TCF7: variants seen among roughly 807,000 people sequenced by gnomAD.
TCF7 encodes T-cell-factor-7.
A neutral mutation model predicts 46.8 loss-of-function variants in TCF7; 19 were observed. The observed-to-expected ratio is 0.41, with a 90% CI of 0.28 to 0.60. The LOEUF is 0.60. TCF7 is among the 20% of genes least tolerant of loss of function. The pLI, the probability that TCF7 is intolerant of heterozygous loss-of-function variation, is 0.35. For missense variants in TCF7, 547 were observed against 504.6 expected, an observed-to-expected ratio of 1.08 and a Z score of -0.81; for synonymous variants, 245 against 213.4, an observed-to-expected ratio of 1.15 and a Z score of -1.29.
chr5:134,128,006 A>T (rs17167281), intron 3 of TCF7, among the ~76,000 whole-genome samples: 1 of 152,146 alleles, frequency 6.6e-6, no homozygotes, highest in East Asian at 1.9e-4. Flanking sequence ...ATGTTTTACA[A>T]TGGAGACCCC....
At position 134,114,978 on chromosome 5, in the gene TCF7, G is replaced by A; in HGVS notation, c.72G>A (p.Leu24=). Residue 24 remains leucine, a synonymous_variant, in exon 1 of 10, where the codon CTG becomes CTA. Coordinates refer to ENST00000342854, the MANE Select transcript of TCF7 (RefSeq NM_003202.5). ...ACCTCGGCGCGCCGGACGAGCTGCT[G>A]GCCTTCCAGGATGAAGGCGAGGAGC... ...GDDLGAPDEL[L]AFQDEGEEQD... The A allele has an allele frequency of 4.1e-6, 5 of 1,210,052 alleles. No homozygotes were observed. The highest frequency in any genetic ancestry group is 5.3e-6 in the Non-Finnish European group (5 of 948,926). The allele number at this position is 1,210,052 out of a possible 1,614,324, so 75.0% of individuals were successfully genotyped here.
intron 3 of TCF7, among the ~76,000 whole-genome samples, chr5:134,134,692 G>A (rs768935242): frequency 6.6e-5 from 10 of 152,124 alleles, no homozygotes; most frequent in East Asian, 1.9e-4. Context: ...TCTCATCTCC[G>A]TTTTACAAGG....
chr5:134,143,885 G>A (rs770187739), intron 9 of TCF7: 16 of 525,430 alleles, frequency 3.0e-5, no homozygotes, highest in Non-Finnish European at 4.8e-5. Flanking sequence ...TAGATGGTGC[G>A]TTCCTCTGCC....
At chr5:134,128,721 G>C (rs1757691922) in intron 3 of TCF7, among the ~76,000 whole-genome samples, 1 of 151,824 alleles carries the variant, frequency 6.6e-6, no homozygotes, top group Non-Finnish European at 1.5e-5. Flanking sequence ...GCCTTGCCTG[G>C]GCTCTCAGCT....
At chr5:134,122,807 A>C (rs943151243) in intron 3 of TCF7, among the ~76,000 whole-genome samples, 2 of 152,158 alleles carry the variant, frequency 1.3e-5, no homozygotes, top group African/African-American at 4.8e-5. Context: ...TTATCAGGTC[A>C]CAGGGGCCCC....
At chr5:134,125,392 C>T (rs1757208930) in intron 3 of TCF7, among the ~76,000 whole-genome samples, 1 of 152,252 alleles carries the variant, frequency 6.6e-6, no homozygotes, top group Non-Finnish European at 1.5e-5. Context: ...ACCCACCCAC[C>T]ACCAGGCCAC....
chr5:134,124,463 G>A (rs940323139), intron 3 of TCF7, among the ~76,000 whole-genome samples: 2 of 152,136 alleles, frequency 1.3e-5, no homozygotes, highest in Non-Finnish European at 2.9e-5. Flanking sequence ...GTCCCTTGCT[G>A]GATAGGGACT....
upstream of TCF7, among the ~76,000 whole-genome samples, chr5:134,112,014 C>T (rs1019368227): frequency 2.0e-5 from 3 of 152,150 alleles, no homozygotes; most frequent in Non-Finnish European, 4.4e-5. Context: ...ACATAGTAAT[C>T]ACTCAGTATA....
chr5:134,115,348 A>G lies in TCF7; in HGVS notation c.277A>G (p.Arg93Gly). 6.2e-7 allele frequency: 1 copy of G among 1,601,072 alleles called. No homozygotes were observed. The highest frequency in any genetic ancestry group is 1.7e-5 in the Admixed American group (1 of 59,028). Residue 93 changes from arginine (R) to glycine (G), a missense_variant, in exon 2 of 10, where the codon AGA becomes GGA. This residue lies in a region of TCF7 where 425 missense variants were observed against 349.9 expected (regional missense o/e 1.21). Coordinates refer to ENST00000342854, the MANE Select transcript of TCF7 (RefSeq NM_003202.5). ...TCTCGGGCGGGAACACGCTGCGCAG[A>G]GACTCTTCCCGGACAAACTTCCAGA... is the stretch of plus-strand genomic sequence containing the variant. The part of the protein sequence containing the change: ...EALGREHAAQ[R>G]LFPDKLPEPL...
At chr5:134,117,788 T>G (rs947907216) in intron 3 of TCF7, among the ~76,000 whole-genome samples, 9 of 152,112 alleles carry the variant, frequency 5.9e-5, no homozygotes, top group African/African-American at 2.2e-4. Flanking sequence ...TTTCTATGTA[T>G]CGCACCTGCT....
intron 3 of TCF7, among the ~76,000 whole-genome samples, chr5:134,117,459 C>T (rs1755979856): frequency 6.6e-6 from 1 of 152,342 alleles, no homozygotes; most frequent in East Asian, 1.9e-4. Context: ...TGCATAGGGG[C>T]TGGGGTCACC....
At chr5:134,128,616 C>T (rs1757678308) in intron 3 of TCF7, among the ~76,000 whole-genome samples, 1 of 150,986 alleles carries the variant, frequency 6.6e-6, no homozygotes, top group Admixed American at 6.6e-5. Flanking sequence ...TTCTCAGAGG[C>T]TACTAGATTA....
chr5:134,120,652 T>G (rs1333499435), intron 3 of TCF7, among the ~76,000 whole-genome samples: 1 of 152,178 alleles, frequency 6.6e-6, no homozygotes, highest in Admixed American at 6.5e-5. Flanking sequence ...CACTCAGGGC[T>G]CAATTCAGAT....
intron 9 of TCF7, chr5:134,144,773 C>T (rs753918029): frequency 2.5e-6 from 4 of 1,606,014 alleles, no homozygotes; most frequent in South Asian, 2.2e-5. Flanking sequence ...CCCTGCTCTA[C>T]CCCTCTGGCA....
intron 9 of TCF7, chr5:134,145,688 G>A (rs1172634805): frequency 2.5e-5 from 40 of 1,593,758 alleles, no homozygotes; most frequent in East Asian, 4.5e-5. Context: ...ACATATGCAC[G>A]GTGGGAAACA....
intron 9 of TCF7, chr5:134,145,962 C>A: frequency 2.0e-6 from 3 of 1,473,524 alleles, no homozygotes; most frequent in Middle Eastern, 2.4e-4. Context: ...GAGATGACTC[C>A]CTTGGAAGAC....
intron 5 of TCF7, among the ~76,000 whole-genome samples, chr5:134,140,196 C>T (rs1759527962): frequency 1.3e-5 from 2 of 152,174 alleles, no homozygotes. Context: ...CTATTGTGTG[C>T]CGGGCAGGGT....
intron 3 of TCF7, among the ~76,000 whole-genome samples, chr5:134,119,817 C>T (rs958068035): frequency 6.6e-5 from 10 of 152,376 alleles, no homozygotes; most frequent in African/African-American, 1.9e-4. Flanking sequence ...CAGGAGCACC[C>T]ACCGGCCTCC....
intron 3 of TCF7, among the ~76,000 whole-genome samples, chr5:134,118,942 C>G (rs1479983669): frequency 6.6e-6 from 1 of 152,112 alleles, no homozygotes; most frequent in Non-Finnish European, 1.5e-5. Flanking sequence ...CTACAATGCC[C>G]GGCTAAGTTT....
Sources: gnomAD v4.1 joint callset for allele counts (sites outside exome capture counted in the v4.1 genomes callset) on GRCh38, gnomAD v4.1.1 for gene constraint, gnomAD v4.1.1 regional missense constraint, MANE v1.5 for transcripts, NCBI Gene and HGNC (gene_info 2026-07-23, HGNC 2026-07-21) for gene names.